DCAF8L2: variants seen among roughly 807,000 people sequenced by gnomAD.
DCAF8L2 encodes the protein DDB1- and CUL4-associated factor 8-like protein 2.
For missense variants in DCAF8L2, 430 were observed against 490.7 expected, an observed-to-expected ratio of 0.88 and a Z score of 1.17; for synonymous variants, 200 against 190.9, an observed-to-expected ratio of 1.05 and a Z score of -0.39.
chrX:27,592,893 G>T, intron 1 of DCAF8L2, among the ~76,000 whole-genome samples: 1 of 108,923 alleles, frequency 9.2e-6, no homozygotes, highest in Admixed American at 9.8e-5. Context: ...CCACTTCCCA[G>T]GTTCAAGCGA....
At chrX:27,512,778 G>GAAAAAAAAAAA in the DCAF8L2 span, among the ~76,000 whole-genome samples, 3 of 2,523 alleles carry the variant, frequency 1.2e-3, 1 homozygote, top group African/African-American at 2.5e-3. Flanking sequence ...ACAATCTTGA[G>GAAAAAAAAAAA]CAAAAAAAAA....
the DCAF8L2 span, among the ~76,000 whole-genome samples, chrX:27,557,954 G>C: frequency 9.0e-6 from 1 of 111,469 alleles, no homozygotes; most frequent in South Asian, 3.8e-4. Flanking sequence ...TAGAGTCTCT[G>C]CTGCTACACT....
chrX:27,489,579 C>A, the DCAF8L2 span, among the ~76,000 whole-genome samples: 1 of 112,431 alleles, frequency 8.9e-6, no homozygotes, highest in East Asian at 2.8e-4. Flanking sequence ...GCATTTGTTT[C>A]TTTTCATTTA....
chrX:27,560,841 A>G, the DCAF8L2 span, among the ~76,000 whole-genome samples: 1 of 111,931 alleles, frequency 8.9e-6, no homozygotes, highest in Non-Finnish European at 1.9e-5. Context: ...TTATTCTACT[A>G]GGGCTTGCCA....
chrX:27,472,702 TC>T, the DCAF8L2 span, among the ~76,000 whole-genome samples: 1 of 112,024 alleles, frequency 8.9e-6, no homozygotes, highest in African/African-American at 3.2e-5. Context: ...TTCATCTATG[TC>T]CCTGAAAAGG....
At chrX:27,718,715 T>C (rs774056431) in intron 4 of DCAF8L2, among the ~76,000 whole-genome samples, 1 of 111,570 alleles carries the variant, frequency 9.0e-6, no homozygotes, top group African/African-American at 3.3e-5. Flanking sequence ...GCAACATTAC[T>C]CTTTTCTGGC....
intron 2 of DCAF8L2, among the ~76,000 whole-genome samples, chrX:27,643,852 C>G (rs1367542453): frequency 9.0e-6 from 1 of 111,321 alleles, no homozygotes; most frequent in Non-Finnish European, 1.9e-5. Context: ...GTGAAATAAC[C>G]AGGACATCTC....
At chrX:27,655,729 C>T (rs1929326342) in intron 2 of DCAF8L2, among the ~76,000 whole-genome samples, 1 of 111,224 alleles carries the variant, frequency 9.0e-6, no homozygotes, top group African/African-American at 3.3e-5. Flanking sequence ...ATCATGTAGT[C>T]GTTGATACCA....
chrX:27,592,303 G>A (rs1207624311), intron 1 of DCAF8L2, among the ~76,000 whole-genome samples: 1 of 112,094 alleles, frequency 8.9e-6, no homozygotes, highest in East Asian at 2.8e-4. Flanking sequence ...ATGTGCTGCC[G>A]CACCACATCC....
intron 1 of DCAF8L2, among the ~76,000 whole-genome samples, chrX:27,604,814 C>T (rs988939072): frequency 2.7e-5 from 3 of 111,579 alleles, no homozygotes; most frequent in African/African-American, 9.8e-5. Flanking sequence ...TCAAGACATG[C>T]TTCTGTAAGA....
intron 4 of DCAF8L2, among the ~76,000 whole-genome samples, chrX:27,725,530 T>C (rs1932041535): frequency 9.1e-6 from 1 of 110,395 alleles, no homozygotes; most frequent in South Asian, 3.7e-4. Context: ...TTTAACAACA[T>C]AATATATTTA....
At chrX:27,665,694 C>A (rs943713601) in intron 2 of DCAF8L2, among the ~76,000 whole-genome samples, 1 of 111,410 alleles carries the variant, frequency 9.0e-6, no homozygotes, top group Admixed American at 9.6e-5. Context: ...ACCATAGCCA[C>A]CCCAACCTTC....
chrX:27,645,500 T>C (rs750689192), intron 2 of DCAF8L2, among the ~76,000 whole-genome samples: 2 of 111,895 alleles, frequency 1.8e-5, no homozygotes, highest in South Asian at 7.4e-4. Flanking sequence ...CCTTGAAAAC[T>C]GGCACAAGAC....
chrX:27,540,046 A>G, the DCAF8L2 span, among the ~76,000 whole-genome samples: 1 of 110,459 alleles, frequency 9.1e-6, no homozygotes, highest in Non-Finnish European at 1.9e-5. Flanking sequence ...CACTGTTACT[A>G]CTTCTCTTCC....
In DCAF8L2 at chrX:27,716,098, T is replaced by C. The variant is rs1288012308; in HGVS notation, c.-132T>C. The C allele has an allele frequency of 1.8e-5, 2 of 112,313 alleles. No homozygotes were observed. The highest frequency in any genetic ancestry group is 6.5e-5 in the African/African-American group (2 of 30,888). The allele number at this position is 112,313 out of a possible 1,213,427, so 9.3% of individuals were successfully genotyped here. On this transcript the variant is annotated 5_prime_UTR_variant, in exon 4 of 5. Transcript: ENST00000451261. ...ATTTTATCCTGTTAGGAAGCTGCAC[T>C]GTTGCAGAGGTCCATTAACTCTTTC... is the stretch of plus-strand genomic sequence containing the variant.
the DCAF8L2 span, among the ~76,000 whole-genome samples, chrX:27,471,058 G>A: frequency 9.0e-6 from 1 of 111,249 alleles, no homozygotes; most frequent in Non-Finnish European, 1.9e-5. Context: ...ATATACCCTG[G>A]GTGAAGGAGG....
At chrX:27,591,196 C>T (rs1926076571) in intron 1 of DCAF8L2, among the ~76,000 whole-genome samples, 2 of 108,983 alleles carry the variant, frequency 1.8e-5, no homozygotes, top group Admixed American at 2.0e-4. Flanking sequence ...AAAAGTTTTT[C>T]AAAAAATGTT....
intron 1 of DCAF8L2, among the ~76,000 whole-genome samples, chrX:27,613,699 A>G (rs1180399111): frequency 1.8e-5 from 2 of 111,327 alleles, no homozygotes; most frequent in Non-Finnish European, 3.8e-5. Context: ...TTCTCCATCT[A>G]TTGAGATAAT....
intron 1 of DCAF8L2, among the ~76,000 whole-genome samples, chrX:27,606,693 T>G (rs1482481110): frequency 1.8e-5 from 2 of 110,038 alleles, no homozygotes; most frequent in Non-Finnish European, 3.8e-5. Context: ...TATATTTTTC[T>G]GAGTTCAAAT....
Sources: allele counts gnomAD v4.1 joint callset (sites outside exome capture counted in the v4.1 genomes callset), GRCh38; gene constraint gnomAD v4.1.1; transcripts MANE v1.5; gene names NCBI Gene and HGNC (gene_info 2026-07-23, HGNC 2026-07-21).